CAMTA1: variants seen among roughly 807,000 people sequenced by gnomAD.
CAMTA1 encodes calmodulin binding transcription activator 1.
Under a neutral mutation model 170.9 loss-of-function variants are expected in CAMTA1, and 27 were observed. The observed-to-expected ratio is 0.16, with a 90% CI of 0.12 to 0.22. CAMTA1 has a LOEUF of 0.22. Among genes scored for constraint, CAMTA1 ranks in the 10% least tolerant of loss-of-function variants. The pLI is 1.00. For missense variants in CAMTA1, 1,619 were observed against 2,217.2 expected (o/e 0.73, Z 5.42); for synonymous variants, 833 against 891.5 (o/e 0.93, Z 1.17).
At chr1:7,056,735 T>G (rs1707379398) in intron 3 of CAMTA1, among the ~76,000 whole-genome samples, 2 of 150,018 alleles carry the variant, frequency 1.3e-5, no homozygotes, top group Admixed American at 6.6e-5. Context: ...TGGTGGGGGG[T>G]GGGTGCCAGG....
At chr1:6,940,588 C>G (rs1016294880) in intron 3 of CAMTA1, among the ~76,000 whole-genome samples, 1 of 152,170 alleles carries the variant, frequency 6.6e-6, no homozygotes, top group African/African-American at 2.4e-5. Context: ...ATCACAGAGT[C>G]CCTCCTGGGG....
chr1:7,736,301 G>A lies in CAMTA1; in HGVS notation c.3067-43G>A. The A allele has an allele frequency of 6.4e-7, 1 of 1,564,334 alleles. No individual in the cohort carries two copies. The highest frequency in any genetic ancestry group is 8.8e-7 in the Non-Finnish European group (1 of 1,141,678). On this transcript the variant is annotated intron_variant, in intron 12 of 22. Transcript: ENST00000303635. This position sits in a 1 kb window ranked among gnomAD's most constrained non-coding sequence, Gnocchi z 4.5. ...ACATCGAAGCGCTGATGGGGTCGAG[G>A]GCCTTTAGTCCTGAGGTCGTAACGT... is the stretch of plus-strand genomic sequence containing the variant.
chr1:7,202,108 T>C (rs1294277343), intron 4 of CAMTA1, among the ~76,000 whole-genome samples: 2 of 152,230 alleles, frequency 1.3e-5, no homozygotes, highest in Non-Finnish European at 2.9e-5. Flanking sequence ...TGCATGTGAC[T>C]AGCTAGTTGT....
chr1:6,796,201 A>G (rs561444948), intron 1 of CAMTA1, among the ~76,000 whole-genome samples: 4 of 128,298 alleles, frequency 3.1e-5, no homozygotes, highest in East Asian at 2.2e-4. Flanking sequence ...GTGCAGTGGC[A>G]TGATCTCTCT....
intron 3 of CAMTA1, among the ~76,000 whole-genome samples, chr1:6,890,084 G>A (rs879915187): frequency 2.8e-4 from 42 of 152,178 alleles, no homozygotes; most frequent in Non-Finnish European, 5.1e-4. Context: ...GGCACACAGA[G>A]GACGTCAGGC....
At chr1:7,272,527 G>T (rs1669949238) in intron 5 of CAMTA1, among the ~76,000 whole-genome samples, 1 of 151,866 alleles carries the variant, frequency 6.6e-6, no homozygotes, top group Non-Finnish European at 1.5e-5. Flanking sequence ...AGTCAGTGAG[G>T]TATTGGCATA....
intron 6 of CAMTA1, among the ~76,000 whole-genome samples, chr1:7,597,318 A>G (rs1167661654): frequency 6.6e-6 from 1 of 152,172 alleles, no homozygotes; most frequent in East Asian, 1.9e-4. Context: ...GACGCCTGTG[A>G]TGTTCACTCA....
At chr1:7,720,450 C>T (rs1209398424) in intron 11 of CAMTA1, among the ~76,000 whole-genome samples, 4 of 152,074 alleles carry the variant, frequency 2.6e-5, no homozygotes, top group African/African-American at 4.8e-5. Context: ...GGTGCAATCT[C>T]GGCTCATTGC....
chr1:6,943,867 AAG>A (rs1687139400), intron 3 of CAMTA1, among the ~76,000 whole-genome samples: 3 of 104,698 alleles, frequency 2.9e-5, no homozygotes, highest in Non-Finnish European at 6.9e-5. Context: ...AAAAAAAAAA[AAG>A]AAAAAAATAC....
At chr1:7,408,109 C>G (rs1168791418) in intron 5 of CAMTA1, among the ~76,000 whole-genome samples, 4 of 152,200 alleles carry the variant, frequency 2.6e-5, no homozygotes, top group African/African-American at 9.6e-5. Flanking sequence ...CAGGAGGCAT[C>G]TCAGGGACAG....
In CAMTA1 at chr1:7,053,371, C is replaced by T. The variant is rs189735587; in HGVS notation, c.235-37933C>T. Among the ~76,000 whole-genome samples, 469 of 152,314 alleles carry T rather than the reference C, an allele frequency of 3.1e-3. 1 individual carries two copies. Among genetic ancestry groups the T allele is most frequent in the Non-Finnish European group, 5.0e-3 (339 of 68,026 alleles). The stretch of plus-strand genomic sequence containing the variant: ...CATCATTAGTTCCGCTGTCTTCTCG[C>T]GGCGAGGTGTGATGCGGGAGCGTGG... On this transcript the variant is annotated intron_variant, in intron 3 of 22. Transcript: ENST00000303635.
chr1:7,417,518 T>A (rs934749180), intron 5 of CAMTA1, among the ~76,000 whole-genome samples: 2 of 152,146 alleles, frequency 1.3e-5, no homozygotes, highest in Admixed American at 6.5e-5. Flanking sequence ...TGCAGTTTGA[T>A]CTCAGACTGC....
At chr1:6,932,649 A>G (rs2149381276) in intron 3 of CAMTA1, among the ~76,000 whole-genome samples, 1 of 152,318 alleles carries the variant, frequency 6.6e-6, no homozygotes, top group South Asian at 2.1e-4. Flanking sequence ...CATCCGCGCC[A>G]ACCCTTCCTA....
chr1:7,724,157 G>T (rs1162096170), intron 11 of CAMTA1, among the ~76,000 whole-genome samples: 1 of 152,206 alleles, frequency 6.6e-6, no homozygotes, highest in African/African-American at 2.4e-5. Flanking sequence ...GGAATATGGA[G>T]AAACTGTCAC....
intron 6 of CAMTA1, among the ~76,000 whole-genome samples, chr1:7,528,084 T>C (rs1357404024): frequency 1.3e-5 from 2 of 152,208 alleles, no homozygotes; most frequent in Non-Finnish European, 2.9e-5. Flanking sequence ...CAAAGGTGCC[T>C]GTGGCTCTGC....
intron 5 of CAMTA1, among the ~76,000 whole-genome samples, chr1:7,261,207 C>T (rs1410975908): frequency 6.6e-6 from 1 of 152,166 alleles, no homozygotes; most frequent in African/African-American, 2.4e-5. Flanking sequence ...TCCTTCCTTC[C>T]CTCTGGTTCC....
At chr1:7,427,479 A>G (rs2091923594) in intron 5 of CAMTA1, among the ~76,000 whole-genome samples, 1 of 152,208 alleles carries the variant, frequency 6.6e-6, no homozygotes, top group South Asian at 2.1e-4. Context: ...TGCAGAGTCT[A>G]AATTGGAATG....
intron 9 of CAMTA1, among the ~76,000 whole-genome samples, chr1:7,669,592 T>C (rs1446956024): frequency 4.6e-5 from 7 of 152,136 alleles, no homozygotes; most frequent in Non-Finnish European, 2.9e-5. Context: ...CAGCAGCTCC[T>C]CACCCCCACC....
intron 3 of CAMTA1, among the ~76,000 whole-genome samples, chr1:6,949,108 T>C (rs1688035521): frequency 6.6e-6 from 1 of 152,230 alleles, no homozygotes; most frequent in Non-Finnish European, 1.5e-5. Flanking sequence ...CCGGTCCTTG[T>C]GACTAATCCA....
Sources: allele counts gnomAD v4.1 joint callset (sites outside exome capture counted in the v4.1 genomes callset), GRCh38; gene constraint gnomAD v4.1.1; non-coding constraint Gnocchi (gnomAD v3.1); transcripts MANE v1.5; gene names NCBI Gene and HGNC (gene_info 2026-07-23, HGNC 2026-07-21).